The following FRMD3 variants were observed in gnomAD, a reference collection of about 807,000 sequenced individuals.
FRMD3 encodes FERM domain containing 3, also known as FERM domain-containing protein 3.
FRMD3 carries 33 observed loss-of-function variants against 70.2 expected under a neutral mutation model. That is an observed-to-expected ratio of 0.47 (90% CI 0.36 to 0.63). The LOEUF is 0.63. FRMD3 is among the 20% of genes least tolerant of loss of function. The pLI is 0.00. For synonymous variants in FRMD3, 279 were observed against 255.9 expected, an observed-to-expected ratio of 1.09 and a Z score of -0.86; for missense variants, 632 against 711.4, an observed-to-expected ratio of 0.89 and a Z score of 1.27.
At chr9:83,313,617 C>CA in intron 7 of FRMD3, 43 bp downstream of exon 7, 3 of 1,497,064 alleles carry the variant, frequency 2.0e-6, no homozygotes, top group Non-Finnish European at 2.8e-6. Context: ...CTCTTTTGGG[C>CA]AAAACAACCA....
the FRMD3 span, among the ~76,000 whole-genome samples, chr9:83,578,743 C>T: frequency 6.6e-6 from 1 of 151,910 alleles, no homozygotes; most frequent in African/African-American, 2.4e-5. Flanking sequence ...AAAGATTTTC[C>T]TCTGAGTTCA....
chr9:83,243,691 C>T (rs1348740782), downstream of FRMD3, among the ~76,000 whole-genome samples: 3 of 152,194 alleles, frequency 2.0e-5, no homozygotes, highest in East Asian at 5.8e-4. Flanking sequence ...TAGTCTAGAG[C>T]CTGTACTTCT....
the FRMD3 span, among the ~76,000 whole-genome samples, chr9:83,550,686 TA>T: frequency 1.3e-5 from 1 of 79,322 alleles, no homozygotes; most frequent in Non-Finnish European, 2.6e-5. Flanking sequence ...TAGTCCTAGG[TA>T]GTGTGTGTGT....
intron 6 of FRMD3, among the ~76,000 whole-genome samples, chr9:83,334,128 G>A (rs1458119961): frequency 4.6e-5 from 7 of 152,110 alleles, no homozygotes; most frequent in East Asian, 1.9e-4. Flanking sequence ...TGTGCTCCCC[G>A]GAACACTGCT....
At chr9:83,466,278 T>C (rs1166457721) in intron 1 of FRMD3, among the ~76,000 whole-genome samples, 1 of 152,218 alleles carries the variant, frequency 6.6e-6, no homozygotes, top group Non-Finnish European at 1.5e-5. Context: ...TTCTGCATTT[T>C]ACTTCTTCAA....
At chr9:83,384,880 C>G (rs1220347775) in intron 2 of FRMD3, among the ~76,000 whole-genome samples, 4 of 152,144 alleles carry the variant, frequency 2.6e-5, no homozygotes, top group Admixed American at 1.3e-4. Context: ...GCATTTAGTA[C>G]TACCTCCCTC....
chr9:83,448,599 CAGAAG>C (rs1024097993), intron 1 of FRMD3, among the ~76,000 whole-genome samples: 8 of 152,080 alleles, frequency 5.3e-5, no homozygotes, highest in Non-Finnish European at 8.8e-5. Flanking sequence ...CACTGTATCT[CAGAAG>C]AGAAACAATT....
the FRMD3 span, among the ~76,000 whole-genome samples, chr9:83,577,917 T>C: frequency 6.6e-6 from 1 of 151,292 alleles, no homozygotes; most frequent in Non-Finnish European, 1.5e-5. Context: ...AAAGATAAAA[T>C]TGACAAACTC....
At position 83,310,465 on chromosome 9, in the gene FRMD3, A is replaced by G. The variant is rs748637209; in HGVS notation, c.837+20T>C. On this transcript the variant is annotated intron_variant, in intron 9 of 13. Transcript: ENST00000304195. ...CATGCACACACAATAACAGGCAGTT[A>G]AAAAAAAGCAGTATCTGACCTCCTT... The G allele has an allele frequency of 1.9e-6, 3 of 1,556,938 alleles. No homozygotes were observed. The highest frequency in any genetic ancestry group is 1.4e-5 in the African/African-American group (1 of 72,714).
intron 12 of FRMD3, among the ~76,000 whole-genome samples, chr9:83,295,050 C>T (rs754961594): frequency 1.3e-5 from 2 of 152,310 alleles, no homozygotes; most frequent in Non-Finnish European, 2.9e-5. Flanking sequence ...ATCTGGCCCG[C>T]TTTGCAGCCC....
At chr9:83,515,049 A>T (rs1829424646) in intron 1 of FRMD3, among the ~76,000 whole-genome samples, 1 of 152,238 alleles carries the variant, frequency 6.6e-6, no homozygotes, top group African/African-American at 2.4e-5. Context: ...AAACCAGAAT[A>T]TCTCTTCTCT....
the FRMD3 span, among the ~76,000 whole-genome samples, chr9:83,559,114 T>C: frequency 3.9e-5 from 6 of 152,216 alleles, no homozygotes; most frequent in African/African-American, 4.8e-5. Flanking sequence ...TTTGAGAGGA[T>C]TGACTCCAGT....
intron 1 of FRMD3, among the ~76,000 whole-genome samples, chr9:83,431,918 T>C (rs765559124): frequency 2.0e-5 from 3 of 152,248 alleles, no homozygotes; most frequent in Admixed American, 6.5e-5. Context: ...CACAGCACTC[T>C]GCAGAGAGAG....
At chr9:83,517,930 T>C (rs1288197040) in intron 1 of FRMD3, among the ~76,000 whole-genome samples, 2 of 152,196 alleles carry the variant, frequency 1.3e-5, no homozygotes, top group African/African-American at 2.4e-5. Context: ...TTTGATAAAA[T>C]TCAACACACC....
At chr9:83,293,046 A>T (rs1834507980) in intron 12 of FRMD3, among the ~76,000 whole-genome samples, 1 of 152,188 alleles carries the variant, frequency 6.6e-6, no homozygotes, top group South Asian at 2.1e-4. Context: ...AGGGGCACCT[A>T]ATCCGGTGTG....
At chr9:83,448,206 A>T (rs1827536932) in intron 1 of FRMD3, among the ~76,000 whole-genome samples, 2 of 152,164 alleles carry the variant, frequency 1.3e-5, no homozygotes, top group East Asian at 1.9e-4. Context: ...ACACTTCTCT[A>T]AGAAACAGTA....
chr9:83,536,549 T>C (rs762959373), intron 1 of FRMD3, among the ~76,000 whole-genome samples: 1 of 152,202 alleles, frequency 6.6e-6, no homozygotes, highest in African/African-American at 2.4e-5. Flanking sequence ...TATTAGTACA[T>C]GCCAGATGCT....
At chr9:83,426,108 C>G (rs906548983) in intron 1 of FRMD3, among the ~76,000 whole-genome samples, 1 of 151,946 alleles carries the variant, frequency 6.6e-6, no homozygotes, top group Non-Finnish European at 1.5e-5. Context: ...AAATTAGACA[C>G]AAAAAAAGTT....
At chr9:83,563,506 T>C in the FRMD3 span, among the ~76,000 whole-genome samples, 4 of 152,162 alleles carry the variant, frequency 2.6e-5, no homozygotes, top group African/African-American at 7.2e-5. Flanking sequence ...CCAGCTGGCT[T>C]GTGGGTGCTC....
Sources: gnomAD v4.1 joint callset for allele counts (sites outside exome capture counted in the v4.1 genomes callset) on GRCh38, gnomAD v4.1.1 for gene constraint, MANE v1.5 for transcripts, NCBI Gene and HGNC (gene_info 2026-07-23, HGNC 2026-07-21) for gene names.